The following SDHD variants were observed in gnomAD, a reference collection of about 807,000 sequenced individuals.
SDHD encodes the protein succinate dehydrogenase [ubiquinone] cytochrome b small subunit, mitochondrial.
In SDHD, 6 loss-of-function variants were observed where a neutral mutation model predicts 18.7. The ratio of observed to expected loss-of-function variants is 0.32; its 90% CI spans 0.18 to 0.63. The LOEUF (loss-of-function observed/expected upper bound fraction) is 0.63, where lower values mean the gene tolerates loss of function less well. Among genes scored for constraint, SDHD ranks in the 30% least tolerant of loss-of-function variants. SDHD has a pLI of 0.79. For missense variants in SDHD, 160 were observed against 192.7 expected (o/e 0.83, Z 1.00); for synonymous variants, 56 against 73.9 (o/e 0.76, Z 1.24).
In SDHD at chr11:112,089,011, G is replaced by A. The variant is rs1131691065; in HGVS notation, c.314G>A (p.Trp105Ter). Residue 105 changes from tryptophan to a stop codon, truncating the protein, a stop_gained and splice_region_variant, in exon 3 of 4, where the codon TGG becomes TAG. Coordinates refer to ENST00000375549, the MANE Select transcript of SDHD (RefSeq NM_003002.4). LOFTEE classifies it high-confidence loss of function. ...LAAALTLHGH[W>*]GLGQVVTDYV... The stretch of plus-strand genomic sequence containing the variant: ...GCAGCCCTCACTCTTCATGGTCACT[G>A]GCAAGTATAGCAATTCCAAATATAG... 6.2e-7 allele frequency: 1 copy of A among 1,614,128 alleles called. No individual in the cohort carries two copies. The highest frequency in any genetic ancestry group is 8.5e-7 in the Non-Finnish European group (1 of 1,180,002).
chr11:112,087,006 G>A (rs1865623662), intron 1 of SDHD, 47 bp downstream of exon 1: 5 of 1,605,522 alleles, frequency 3.1e-6, no homozygotes, highest in Non-Finnish European at 4.3e-6. Flanking sequence ...CCTCCAGCCA[G>A]GGAAGGGGAT....
chr11:112,086,955 C>T lies in SDHD; in HGVS notation c.48C>T (p.Gly16=), dbSNP rs1555186688. The T allele has an allele frequency of 6.2e-7, 1 of 1,614,098 alleles. No individual in the cohort carries two copies. Among genetic ancestry groups the T allele is most frequent in the Non-Finnish European group, 8.5e-7 (1 of 1,179,998 alleles). Reference sequence around the variant, plus strand: ...GTGCCGTTTGCGGTGCCCTAGGAGGCCGAGGTGAGGGGTCTTCCCACCCTG... The same window carrying T: ...GTGCCGTTTGCGGTGCCCTAGGAGGTCGAGGTGAGGGGTCTTCCCACCCTG... ...RLSAVCGALG[G]RALLLRTPVV... The change falls in exon 1 of 4, where the codon GGC becomes GGT. Residue 16 remains glycine (G), a synonymous_variant. Transcript: ENST00000375549.
chr11:112,089,003 T>A lies in SDHD; in HGVS notation c.306T>A (p.His102Gln). The change falls in exon 3 of 4, where the codon CAT becomes CAA. Residue 102 changes from histidine to glutamine, a missense_variant. By Grantham distance (24) the His-to-Gln change is conservative. Coordinates refer to ENST00000375549, the MANE Select transcript of SDHD (RefSeq NM_003002.4). ...DYSLAAALTL[H>Q]GHWGLGQVVT... ...CCCTGGCTGCAGCCCTCACTCTTCA[T>A]GGTCACTGGCAAGTATAGCAATTCC... 6.2e-7 allele frequency: 1 copy of A among 1,614,230 alleles called. No homozygotes were observed. Among genetic ancestry groups the A allele is most frequent in the Non-Finnish European group, 8.5e-7 (1 of 1,180,028 alleles).
At position 112,095,503 on chromosome 11, in the gene SDHD, T is replaced by C. The variant is rs915707804; in HGVS notation, c.*533T>C. On this transcript the variant is annotated 3_prime_UTR_variant, in exon 4 of 4. Transcript: ENST00000375549. ...AATTAGGAAATGCTGATAGCTCATATTATAAATTTCTAAATCCTAGGAAGA... is the reference window on the plus strand; with the variant it reads ...AATTAGGAAATGCTGATAGCTCATACTATAAATTTCTAAATCCTAGGAAGA... The C allele has an allele frequency of 4.2e-6, 1 of 235,490 alleles. No individual in the cohort carries two copies. Among genetic ancestry groups the C allele is most frequent in the Non-Finnish European group, 8.4e-6 (1 of 119,394 alleles). The allele number at this position is 235,490 out of a possible 1,614,324, so 14.6% of individuals were successfully genotyped here. A position where few individuals can be genotyped will look rare whatever the true frequency, so the allele number is the denominator to read the frequency against.
chr11:112,088,192 T>A (rs946469093), intron 2 of SDHD: 3 of 582,662 alleles, frequency 5.1e-6, no homozygotes, highest in Non-Finnish European at 6.1e-6. Context: ...CTTTACAAAT[T>A]TTTTTCTTTT....
At position 112,087,951 on chromosome 11, in the gene SDHD, A is replaced by G. The variant is rs1566692534; in HGVS notation, c.147A>G (p.Ile49Met). The G allele has an allele frequency of 1.2e-6, 2 of 1,609,932 alleles. No individual in the cohort carries two copies. The highest frequency in any genetic ancestry group is 2.2e-5 in the South Asian group (2 of 91,016). ...CAGAATGGTGTGGAGTGCAGCACAT[A>G]CACTTGTCACCGAGCCACCATTGTA... The part of the protein sequence containing the change: ...PIPEWCGVQH[I>M]HLSPSHHSGS... Residue 49 changes from isoleucine (I) to methionine (M), a missense_variant, in exon 2 of 4, where the codon ATA (isoleucine) becomes ATG (methionine). Transcript: ENST00000375549.
rs1305484990 is a variant in SDHD, at chr11:112,094,367, C to T, written c.315-438C>T. Reference sequence around the variant, plus strand: ...GAGCCGAGATCGTGCCACTGCACTCCAGCCTGGGCAAAAGAGCGAGACTCT... The same window carrying T: ...GAGCCGAGATCGTGCCACTGCACTCTAGCCTGGGCAAAAGAGCGAGACTCT... On this transcript the variant is annotated intron_variant, in intron 3 of 3. Coordinates refer to ENST00000375549, the MANE Select transcript of SDHD (RefSeq NM_003002.4). Among the ~76,000 whole-genome samples the T allele has an allele frequency of 4.6e-5, 7 of 151,964 alleles. No individual in the cohort carries two copies. In the East Asian group the frequency reaches 1.3e-3, roughly 29 times the overall value.
chr11:112,087,261 C>A (rs1485303303), intron 1 of SDHD, among the ~76,000 whole-genome samples: 2 of 152,032 alleles, frequency 1.3e-5, no homozygotes, highest in Non-Finnish European at 2.9e-5. Flanking sequence ...GAATGCTCCC[C>A]ACTCGCTCCC....
intron 1 of SDHD, among the ~76,000 whole-genome samples, 168 bp downstream of exon 1, chr11:112,087,127 A>G (rs1188412565): frequency 1.3e-5 from 2 of 152,192 alleles, no homozygotes; most frequent in African/African-American, 2.4e-5. Flanking sequence ...CCGAAGGTAT[A>G]TTTCACTTGC....
At chr11:112,090,724 G>A (rs1224110027) in intron 3 of SDHD, among the ~76,000 whole-genome samples, 4 of 150,928 alleles carry the variant, frequency 2.7e-5, no homozygotes, top group Non-Finnish European at 5.9e-5. Context: ...TTGGGACGGA[G>A]TCTCACTCTC....
chr11:112,094,322 C>T (rs1299206498), intron 3 of SDHD, among the ~76,000 whole-genome samples: 2 of 151,948 alleles, frequency 1.3e-5, no homozygotes, highest in African/African-American at 4.8e-5. Flanking sequence ...CACTTGAACC[C>T]GGGAGGCGGA....
chr11:112,093,470 T>G (rs1180376199), intron 3 of SDHD, among the ~76,000 whole-genome samples: 3 of 152,144 alleles, frequency 2.0e-5, no homozygotes, highest in Non-Finnish European at 4.4e-5. Context: ...GGTTTCTTTT[T>G]GGGGTAATGA....
chr11:112,087,740 C>A (rs969591493), intron 1 of SDHD, 117 bp from the exon 2 acceptor site: 8 of 776,240 alleles, frequency 1.0e-5, no homozygotes, highest in African/African-American at 1.0e-4. Flanking sequence ...CTTCATTTTA[C>A]AAATAAGATG....
chr11:112,087,577 A>G (rs1865641898), intron 1 of SDHD, among the ~76,000 whole-genome samples: 1 of 152,172 alleles, frequency 6.6e-6, no homozygotes, highest in Non-Finnish European at 1.5e-5. Context: ...CGCCAATAGG[A>G]TTTGGCGATT....
At position 112,088,878 on chromosome 11, in the gene SDHD, G is replaced by A; in HGVS notation, c.181G>A (p.Ala61Thr). The A allele has an allele frequency of 3.1e-6, 5 of 1,612,250 alleles. No homozygotes were observed. Among genetic ancestry groups the A allele is most frequent in the Non-Finnish European group, 4.2e-6 (5 of 1,179,894 alleles). The change falls in exon 3 of 4, where the codon GCT becomes ACT. Residue 61 changes from alanine (A) to threonine (T), a missense_variant. By Grantham distance (58) the Ala-to-Thr change is moderately conservative (BLOSUM62 0). Transcript: ENST00000375549. ...GGTCCTTTTTGTAGCTGGCTCCAAG[G>A]CTGCATCTCTCCACTGGACTAGCGA... ...LSPSHHSGSKAASLHWTSERV... is the reference protein window; with the variant it reads ...LSPSHHSGSKTASLHWTSERV...
At chr11:112,089,901 C>G (rs1169409627) in intron 3 of SDHD, among the ~76,000 whole-genome samples, 1 of 151,510 alleles carries the variant, frequency 6.6e-6, no homozygotes, top group Admixed American at 6.6e-5. Flanking sequence ...ATTTTATCAC[C>G]CAAATGTATA....
In SDHD at chr11:112,089,009, C is replaced by T. The variant is rs61734352; in HGVS notation, c.312C>T (p.His104=). ...SLAAALTLHG[H]WGLGQVVTDY... ...CTGCAGCCCTCACTCTTCATGGTCA[C>T]TGGCAAGTATAGCAATTCCAAATAT... is the stretch of plus-strand genomic sequence containing the variant. Residue 104 remains histidine (H), a splice_region_variant and synonymous_variant, in exon 3 of 4, where the codon CAC becomes CAT. Coordinates refer to ENST00000375549, the MANE Select transcript of SDHD (RefSeq NM_003002.4). The T allele has an allele frequency of 1.2e-3, 1,911 of 1,614,152 alleles. 12 individuals are homozygous for T. The African/African-American group carries it at 0.022, about 19-fold the overall frequency.
At chr11:112,087,555 G>A (rs899763742) in intron 1 of SDHD, among the ~76,000 whole-genome samples, 9 of 152,182 alleles carry the variant, frequency 5.9e-5, no homozygotes, top group African/African-American at 2.2e-4. Flanking sequence ...CTCAAGAACT[G>A]TTAAAGAGAT....
At chr11:112,087,331 G>A (rs1342115785) in intron 1 of SDHD, among the ~76,000 whole-genome samples, 2 of 152,180 alleles carry the variant, frequency 1.3e-5, no homozygotes, top group Non-Finnish European at 2.9e-5. Context: ...TGGTGTGTTT[G>A]GATGTGGGAG....
Sources: allele counts gnomAD v4.1 joint callset (sites outside exome capture counted in the v4.1 genomes callset), GRCh38; gene constraint gnomAD v4.1.1; transcripts MANE v1.5; gene names NCBI Gene and HGNC (gene_info 2026-07-23, HGNC 2026-07-21).